AFG2A: variants seen among roughly 807,000 people sequenced by gnomAD.
AFG2A encodes AAA ATPase AFG2A, also known as ATPase family gene 2 protein homolog A.
the AFG2A span, among the ~76,000 whole-genome samples, chr4:123,153,495 T>A: frequency 6.6e-6 from 1 of 152,202 alleles, no homozygotes; most frequent in African/African-American, 2.4e-5. Context: ...CCAGGGGACA[T>A]GTGCAGGATG....
chr4:123,055,059 G>C, the AFG2A span, among the ~76,000 whole-genome samples: 1 of 152,002 alleles, frequency 6.6e-6, no homozygotes, highest in Non-Finnish European at 1.5e-5. Context: ...CTGAACCCCT[G>C]CCTCCCACTT....
chr4:122,933,573 T>TTATA, the AFG2A span: 1 of 1,102,518 alleles, frequency 9.1e-7, no homozygotes, highest in East Asian at 2.4e-5. Flanking sequence ...CTTTGAGGGC[T>TTATA]TATATATGCA....
chr4:122,938,608 T>C, the AFG2A span, among the ~76,000 whole-genome samples: 1 of 152,350 alleles, frequency 6.6e-6, no homozygotes, highest in South Asian at 2.1e-4. Flanking sequence ...TTATTGTTTT[T>C]GAGATTGAGT....
At chr4:122,947,212 A>T in the AFG2A span, 17 of 1,500,994 alleles carry the variant, frequency 1.1e-5, no homozygotes, top group Admixed American at 2.4e-4. Context: ...AAATAAATTT[A>T]TTTTCATTTT....
chr4:123,152,075 A>G, the AFG2A span, among the ~76,000 whole-genome samples: 1 of 151,944 alleles, frequency 6.6e-6, no homozygotes, highest in Non-Finnish European at 1.5e-5. Context: ...GGAGTTGAAC[A>G]ATGAGAACAC....
the AFG2A span, among the ~76,000 whole-genome samples, chr4:123,229,134 T>C: frequency 2.6e-5 from 4 of 151,990 alleles, 1 homozygote; most frequent in African/African-American, 9.7e-5. Flanking sequence ...TAATTTTAAG[T>C]ATTTAAAAAA....
chr4:122,926,450 G>C, the AFG2A span, among the ~76,000 whole-genome samples: 1 of 152,132 alleles, frequency 6.6e-6, no homozygotes, highest in African/African-American at 2.4e-5. Context: ...TGTTCATTTC[G>C]TTTTATACTC....
the AFG2A span, chr4:122,938,145 A>C: frequency 1.2e-6 from 2 of 1,604,882 alleles, no homozygotes; most frequent in Non-Finnish European, 1.7e-6. Context: ...AATTATTTTT[A>C]TTGATGAGCT....
the AFG2A span, among the ~76,000 whole-genome samples, chr4:123,130,533 G>C: frequency 1.3e-5 from 2 of 150,576 alleles, no homozygotes; most frequent in Non-Finnish European, 3.0e-5. Context: ...TCATCTTTGA[G>C]TATAACCTCT....
chr4:123,103,517 A>G, the AFG2A span, among the ~76,000 whole-genome samples: 1 of 152,148 alleles, frequency 6.6e-6, no homozygotes, highest in Non-Finnish European at 1.5e-5. Flanking sequence ...CTTTCTTAAA[A>G]AAATTATGAC....
chr4:123,059,531 A>G, the AFG2A span, among the ~76,000 whole-genome samples: 1 of 151,640 alleles, frequency 6.6e-6, no homozygotes. Flanking sequence ...TCTGTGCCAC[A>G]TTTTCTTAAT....
At chr4:123,061,575 C>T in the AFG2A span, among the ~76,000 whole-genome samples, 1 of 152,256 alleles carries the variant, frequency 6.6e-6, no homozygotes, top group Non-Finnish European at 1.5e-5. Flanking sequence ...GGGGAAACCA[C>T]CTCCATGATT....
At chr4:123,199,286 A>C in the AFG2A span, among the ~76,000 whole-genome samples, 3 of 152,174 alleles carry the variant, frequency 2.0e-5, no homozygotes, top group African/African-American at 7.2e-5. Flanking sequence ...ATATAAAATA[A>C]TGTTAATTAC....
the AFG2A span, among the ~76,000 whole-genome samples, chr4:123,271,173 G>T: frequency 6.6e-6 from 1 of 152,162 alleles, no homozygotes. Context: ...CAAGGCCAAA[G>T]AATTACTTAG....
the AFG2A span, among the ~76,000 whole-genome samples, chr4:123,128,522 T>C: frequency 6.6e-6 from 1 of 152,198 alleles, no homozygotes; most frequent in Non-Finnish European, 1.5e-5. Flanking sequence ...AGATTGTTGT[T>C]AGAACACAAA....
At chr4:123,084,429 A>G in the AFG2A span, among the ~76,000 whole-genome samples, 10 of 152,044 alleles carry the variant, frequency 6.6e-5, no homozygotes, top group South Asian at 2.1e-4. Context: ...TCTCAATACT[A>G]TAAGTTTTGC....
chr4:123,107,757 C>G, the AFG2A span, among the ~76,000 whole-genome samples: 1 of 152,358 alleles, frequency 6.6e-6, no homozygotes, highest in African/African-American at 2.4e-5. Context: ...CAGCCTCCCT[C>G]CCATGCTCAC....
the AFG2A span, among the ~76,000 whole-genome samples, chr4:123,045,180 TTCTTC>T: frequency 0.41 from 62,758 of 151,490 alleles, 15,509 homozygotes; most frequent in Non-Finnish European, 0.55. Flanking sequence ...AAGTTTTTGT[TTCTTC>T]TATTTCTTTA....
chr4:123,116,278 G>A, the AFG2A span, among the ~76,000 whole-genome samples: 1 of 152,136 alleles, frequency 6.6e-6, no homozygotes, highest in Admixed American at 6.5e-5. Context: ...ACAACAGAAA[G>A]CCTCAAAAGA....
Sources: gnomAD v4.1 joint callset for allele counts (sites outside exome capture counted in the v4.1 genomes callset) on GRCh38, gnomAD v4.1.1 for gene constraint, MANE v1.5 for transcripts, NCBI Gene and HGNC (gene_info 2026-07-23, HGNC 2026-07-21) for gene names.